The following NDUFA10 variants were observed in gnomAD, a reference collection of about 807,000 sequenced individuals.
The protein encoded by NDUFA10 is NADH:ubiquinone oxidoreductase subunit A10.
A neutral mutation model predicts 47.8 loss-of-function variants in NDUFA10; 40 were observed. That is an observed-to-expected ratio of 0.84 (90% confidence interval 0.65 to 1.09). NDUFA10 has a LOEUF of 1.09. Ranked by LOEUF, NDUFA10 falls within the 50% of genes least tolerant of loss-of-function variation. The pLI, the probability that NDUFA10 is intolerant of heterozygous loss-of-function variation, is 0.00. For missense variants in NDUFA10, 413 were observed against 451.1 expected (o/e 0.92, Z 0.76); for synonymous variants, 183 against 172.2 (o/e 1.06, Z -0.49).
chr2:239,938,524 CT>C (rs760135578), intron 4 of NDUFA10, among the ~76,000 whole-genome samples: 3 of 152,242 alleles, frequency 2.0e-5, no homozygotes, highest in Admixed American at 6.5e-5. Flanking sequence ...CAGGATGCCT[CT>C]TCCAGGATGC....
chr2:239,934,029 T>A (rs1211369314), intron 4 of NDUFA10, among the ~76,000 whole-genome samples: 1 of 152,104 alleles, frequency 6.6e-6, no homozygotes, highest in Admixed American at 6.5e-5. Context: ...GGATAATTTA[T>A]TAATTTTTGT....
At chr2:239,993,005 T>C (rs868111214) in intron 8 of NDUFA10, among the ~76,000 whole-genome samples, 4 of 152,194 alleles carry the variant, frequency 2.6e-5, no homozygotes, top group South Asian at 4.1e-4. Context: ...ACACAATTGA[T>C]ATTGTAAACT....
intron 4 of NDUFA10, among the ~76,000 whole-genome samples, chr2:239,905,435 C>T (rs541568416): frequency 1.4e-4 from 22 of 152,348 alleles, no homozygotes; most frequent in Non-Finnish European, 2.5e-4. Context: ...CCGGGACTCT[C>T]GGCTACCGAG....
intron 9 of NDUFA10, among the ~76,000 whole-genome samples, chr2:239,962,058 G>A (rs538711351): frequency 6.6e-6 from 1 of 152,370 alleles, no homozygotes; most frequent in African/African-American, 2.4e-5. Flanking sequence ...GGCTGGCTGA[G>A]ACGGAAAGAG....
At chr2:240,007,064 T>C (rs547283508) in intron 7 of NDUFA10, among the ~76,000 whole-genome samples, 10 of 152,222 alleles carry the variant, frequency 6.6e-5, no homozygotes, top group Non-Finnish European at 1.3e-4. Flanking sequence ...TTAATAAAAA[T>C]GGTAGAGTGG....
chr2:240,001,668 G>A (rs769173007), intron 8 of NDUFA10, among the ~76,000 whole-genome samples: 29 of 152,076 alleles, frequency 1.9e-4, no homozygotes, highest in Non-Finnish European at 3.7e-4. Context: ...TTCTCCTCTT[G>A]GTCTCCATCA....
intron 4 of NDUFA10, among the ~76,000 whole-genome samples, chr2:239,920,780 C>T (rs1693959811): frequency 6.6e-6 from 1 of 152,182 alleles, no homozygotes; most frequent in South Asian, 2.1e-4. Flanking sequence ...GAATCAGCCC[C>T]AGCCACACCT....
intron 9 of NDUFA10, among the ~76,000 whole-genome samples, chr2:239,982,617 C>T (rs955144841): frequency 6.6e-6 from 1 of 152,292 alleles, no homozygotes; most frequent in East Asian, 1.9e-4. Context: ...TCTCCAGGCC[C>T]TATCTCTTCC....
chr2:239,934,657 CAG>C (rs1163848953), intron 4 of NDUFA10, among the ~76,000 whole-genome samples: 3 of 152,136 alleles, frequency 2.0e-5, no homozygotes, highest in Non-Finnish European at 4.4e-5. Context: ...TTAGTAAGTG[CAG>C]AGTCATCCTA....
intron 1 of NDUFA10, among the ~76,000 whole-genome samples, chr2:240,024,227 C>A (rs559843321): frequency 5.4e-4 from 82 of 152,332 alleles, no homozygotes; most frequent in African/African-American, 1.9e-3. Context: ...AACCAAGATG[C>A]CCTTCAATTG....
At chr2:239,993,008 T>C (rs1235330618) in intron 8 of NDUFA10, among the ~76,000 whole-genome samples, 1 of 152,184 alleles carries the variant, frequency 6.6e-6, no homozygotes, top group African/African-American at 2.4e-5. Flanking sequence ...CAATTGATAT[T>C]GTAAACTTAT....
rs78781805 is a variant in NDUFA10, at chr2:239,934,604, A to G, written c.295-39290T>C. On this transcript the variant is annotated intron_variant, in intron 4 of 5. Transcript: ENST00000419408. Reference sequence around the variant, plus strand: ...TCTTAAACATTTATCCCTGTTTTGTACTGGGAGCATTCAACATCCTCCTTG... The same window carrying G: ...TCTTAAACATTTATCCCTGTTTTGTGCTGGGAGCATTCAACATCCTCCTTG... 2.8e-3 allele frequency among the ~76,000 whole-genome samples: 430 copies of G among 152,240 alleles called. 4 individuals carry two copies. Among genetic ancestry groups the G allele is most frequent in the African/African-American group, 9.6e-3 (397 of 41,524 alleles).
chr2:239,976,349 C>T (rs2106418586), intron 9 of NDUFA10, among the ~76,000 whole-genome samples: 1 of 152,338 alleles, frequency 6.6e-6, no homozygotes, highest in East Asian at 1.9e-4. Flanking sequence ...GTCTCCTTTC[C>T]CTTCACATCA....
At chr2:240,024,447 G>A (rs983552110) in intron 1 of NDUFA10, among the ~76,000 whole-genome samples, 9 of 152,232 alleles carry the variant, frequency 5.9e-5, no homozygotes, top group African/African-American at 2.2e-4. Flanking sequence ...GTGGTTGTCA[G>A]GGGTTGGAGA....
intron 4 of NDUFA10, among the ~76,000 whole-genome samples, chr2:239,903,801 C>T (rs999643789): frequency 6.6e-6 from 1 of 152,172 alleles, no homozygotes; most frequent in Non-Finnish European, 1.5e-5. Context: ...TGGCAGCTGC[C>T]GGTTTCTAAC....
Position 239,965,832 on chromosome 2 carries a change from A to C in NDUFA10, c.1000-4646T>G, listed in dbSNP as rs745884479. Among the ~76,000 whole-genome samples, 49 of 152,182 alleles carry C rather than the reference A, an allele frequency of 3.2e-4. 1 individual carries two copies. The highest frequency in any genetic ancestry group is 6.2e-4 in the South Asian group (3 of 4,830). ...AACAGAAAAAGGAACAAACCCCTCC[A>C]ATGCTCATCCTCTGCAATCCCCTCT... On this transcript the variant is annotated intron_variant, in intron 9 of 9. Coordinates refer to ENST00000252711, the MANE Select transcript of NDUFA10 (RefSeq NM_004544.4).
intron 4 of NDUFA10, among the ~76,000 whole-genome samples, chr2:239,935,797 G>A (rs184114317): frequency 3.9e-5 from 6 of 152,332 alleles, no homozygotes; most frequent in South Asian, 2.1e-4. Flanking sequence ...CTGCCGCCAT[G>A]TAAGACATGC....
At chr2:239,894,394 T>C (rs1002254388) in intron 5 of NDUFA10, among the ~76,000 whole-genome samples, 14 of 152,042 alleles carry the variant, frequency 9.2e-5, no homozygotes, top group Admixed American at 6.5e-4. Context: ...AGCTCCATCA[T>C]CCCAGCCTCA....
rs377014173 is a variant in NDUFA10 at position 240,018,666 on chromosome 2, T to A, written c.461-27A>T. The A allele has an allele frequency of 1.2e-4, 189 of 1,611,308 alleles. 2 individuals carry two copies. The highest frequency in any genetic ancestry group is 1.8e-5 in the Non-Finnish European group (21 of 1,177,776). On this transcript the variant is annotated intron_variant, in intron 3 of 9. Transcript: ENST00000252711. ...TGTTTAAACATAGGCAAACAGAAATTGAAAATCAGACAGATAGCAAAGCAC... is the reference window on the plus strand; with the variant it reads ...TGTTTAAACATAGGCAAACAGAAATAGAAAATCAGACAGATAGCAAAGCAC...
Sources: gnomAD v4.1 joint callset for allele counts (sites outside exome capture counted in the v4.1 genomes callset) on GRCh38, gnomAD v4.1.1 for gene constraint, MANE v1.5 for transcripts, NCBI Gene and HGNC (gene_info 2026-07-23, HGNC 2026-07-21) for gene names.